Variants in TP63 observed in about 807,000 individuals in gnomAD.
TP63 encodes tumor protein p63.
Under a neutral mutation model 82.8 loss-of-function variants are expected in TP63, and 17 were observed. That is an observed-to-expected ratio of 0.21 (90% confidence interval 0.14 to 0.31). The LOEUF is 0.31. Among genes scored for constraint, TP63 ranks in the 10% least tolerant of loss-of-function variants. The probability of loss-of-function intolerance (pLI) is 1.00; values close to 1 mark genes in which losing one functional copy is unlikely to be tolerated. For synonymous variants in TP63, 330 were observed against 321.7 expected, an observed-to-expected ratio of 1.03 and a Z score of -0.28; for missense variants, 648 against 895.3, an observed-to-expected ratio of 0.72 and a Z score of 3.52.
intron 1 of TP63, among the ~76,000 whole-genome samples, chr3:189,632,998 C>G (rs920910089): frequency 1.8e-4 from 27 of 152,080 alleles, no homozygotes; most frequent in African/African-American, 6.5e-4. Flanking sequence ...GTACTTGGAA[C>G]CAGGGAAGCT....
intron 1 of TP63, among the ~76,000 whole-genome samples, chr3:189,716,121 G>A (rs1478919412): frequency 6.6e-6 from 1 of 152,196 alleles, no homozygotes; most frequent in Non-Finnish European, 1.5e-5. Flanking sequence ...CTTGGTTCAA[G>A]TCAAACATCT....
intron 4 of TP63, among the ~76,000 whole-genome samples, chr3:189,854,124 A>T (rs1715998060): frequency 6.6e-6 from 1 of 152,224 alleles, no homozygotes; most frequent in African/African-American, 2.4e-5. Context: ...AGAGTTGGCT[A>T]GATTAAGTAT....
chr3:189,779,602 T>A (rs1248608817), intron 3 of TP63, among the ~76,000 whole-genome samples: 1 of 152,234 alleles, frequency 6.6e-6, no homozygotes, highest in Non-Finnish European at 1.5e-5. Flanking sequence ...TGTTCAGGCA[T>A]GCGTGCAAGA....
chr3:189,798,914 T>C (rs1405598110), intron 3 of TP63, among the ~76,000 whole-genome samples: 1 of 152,112 alleles, frequency 6.6e-6, no homozygotes, highest in Non-Finnish European at 1.5e-5. Flanking sequence ...TCCAATGTTA[T>C]ATAGGTCACC....
At chr3:189,836,434 C>G (rs1355581617) in intron 4 of TP63, among the ~76,000 whole-genome samples, 2 of 152,108 alleles carry the variant, frequency 1.3e-5, no homozygotes, top group Non-Finnish European at 2.9e-5. Context: ...GAAAGTATAA[C>G]TCTTATAGGG....
intron 1 of TP63, among the ~76,000 whole-genome samples, chr3:189,665,827 G>A (rs1714337809): frequency 6.6e-6 from 1 of 151,918 alleles, no homozygotes; most frequent in South Asian, 2.1e-4. Context: ...GGTCTTATTA[G>A]CACTTCTATT....
chr3:189,634,796 TTC>T (rs1729672718), intron 1 of TP63, among the ~76,000 whole-genome samples: 1 of 152,084 alleles, frequency 6.6e-6, no homozygotes, highest in African/African-American at 2.4e-5. Context: ...ACACAATAAA[TTC>T]TGTTTGTTGT....
chr3:189,722,764 C>T (rs61046730), intron 1 of TP63, among the ~76,000 whole-genome samples: 6,146 of 152,216 alleles, frequency 0.04, 418 homozygotes, highest in African/African-American at 0.14. Flanking sequence ...TAGATCAATG[C>T]CCAGCATGCA....
intron 4 of TP63, among the ~76,000 whole-genome samples, chr3:189,858,238 T>C (rs1318110112): frequency 1.7e-5 from 1 of 58,964 alleles, no homozygotes; most frequent in African/African-American, 9.1e-5. Context: ...ACCCCGTCTC[T>C]ACTAAAAATA....
At chr3:189,624,557 A>G in the TP63 span, among the ~76,000 whole-genome samples, 1 of 152,322 alleles carries the variant, frequency 6.6e-6, no homozygotes, top group East Asian at 1.9e-4. Context: ...CTTGATAGAC[A>G]TACTTGCTGT....
intron 1 of TP63, among the ~76,000 whole-genome samples, chr3:189,640,496 A>G (rs975344793): frequency 1.3e-5 from 2 of 152,274 alleles, no homozygotes; most frequent in East Asian, 1.9e-4. Context: ...AATGTGGTCC[A>G]TTGTAAATGT....
intron 3 of TP63, among the ~76,000 whole-genome samples, chr3:189,763,128 T>C (rs951786437): frequency 3.9e-5 from 6 of 152,134 alleles, no homozygotes; most frequent in African/African-American, 1.2e-4. Context: ...TTAAAAATTA[T>C]CTGGGCATGG....
chr3:189,891,741 C>A (rs909607061), intron 13 of TP63, among the ~76,000 whole-genome samples: 1 of 152,152 alleles, frequency 6.6e-6, no homozygotes, highest in African/African-American at 2.4e-5. Context: ...GCTAGTGTTG[C>A]TCTGGTTTAT....
At chr3:189,844,769 G>T (rs1445068129) in intron 4 of TP63, among the ~76,000 whole-genome samples, 1 of 152,116 alleles carries the variant, frequency 6.6e-6, no homozygotes, top group Non-Finnish European at 1.5e-5. Context: ...TCAGCGCTAA[G>T]GGTCTTTTTA....
chr3:189,864,501 C>T, intron 5 of TP63, 83 bp downstream of exon 5: 2 of 1,372,344 alleles, frequency 1.5e-6, no homozygotes, highest in Non-Finnish European at 2.0e-6. Context: ...ACCCACCTAC[C>T]TGATTCAGAC....
Position 189,690,792 on chromosome 3 carries a change from T to G in TP63, c.63-46948T>G, listed in dbSNP as rs1716854805. The stretch of plus-strand genomic sequence containing the variant: ...AATGCAATTTCTGATCATTACTGGA[T>G]TATTTTAGAGGCACATTACCTTCTT... On this transcript the variant is annotated intron_variant, in intron 1 of 13. Coordinates refer to ENST00000264731, the MANE Select transcript of TP63 (RefSeq NM_003722.5). Among the ~76,000 whole-genome samples, 5 of 152,318 alleles carry G rather than the reference T, an allele frequency of 3.3e-5. No individual in the cohort carries two copies. In the South Asian group the frequency reaches 1.0e-3, roughly 32 times the overall value.
chr3:189,817,507 A>T (rs1577025347), intron 4 of TP63, among the ~76,000 whole-genome samples: 1 of 152,278 alleles, frequency 6.6e-6, no homozygotes, highest in East Asian at 1.9e-4. Flanking sequence ...GGCTTAATTA[A>T]AGTTTATAAA....
intron 4 of TP63, among the ~76,000 whole-genome samples, chr3:189,841,133 G>A (rs1714052541): frequency 6.6e-6 from 1 of 152,098 alleles, no homozygotes; most frequent in Non-Finnish European, 1.5e-5. Context: ...GGCACAGGAA[G>A]ACATCCTGCA....
the TP63 span, among the ~76,000 whole-genome samples, chr3:189,600,721 C>CT: frequency 6.6e-6 from 1 of 152,166 alleles, no homozygotes; most frequent in Non-Finnish European, 1.5e-5. Flanking sequence ...GGCCAGTACT[C>CT]TATTAATTGA....
Sources: allele counts gnomAD v4.1 joint callset (sites outside exome capture counted in the v4.1 genomes callset), GRCh38; gene constraint gnomAD v4.1.1; transcripts MANE v1.5; gene names NCBI Gene and HGNC (gene_info 2026-07-23, HGNC 2026-07-21).